RNF214: variants seen among roughly 807,000 people sequenced by gnomAD.
RNF214 encodes the protein ring finger protein 214.
In RNF214, 25 loss-of-function variants were observed where a neutral mutation model predicts 75.9. The ratio of observed to expected loss-of-function variants is 0.33; its 90% CI spans 0.24 to 0.46. The LOEUF (loss-of-function observed/expected upper bound fraction) is 0.46, where lower values mean the gene tolerates loss of function less well. Among genes scored for constraint, RNF214 ranks in the 20% least tolerant of loss-of-function variants. RNF214 has a pLI of 1.00. For synonymous variants in RNF214, 314 were observed against 308.8 expected (o/e 1.02, Z -0.18); for missense variants, 725 against 857.5 (o/e 0.85, Z 1.93).
intron 6 of RNF214, among the ~76,000 whole-genome samples, chr11:117,250,491 TG>T (rs144959537): frequency 0.052 from 7,949 of 152,184 alleles, 331 homozygotes; most frequent in East Asian, 0.16. Flanking sequence ...AAGAGATACT[TG>T]CTGAAGTTTT....
intron 6 of RNF214, among the ~76,000 whole-genome samples, chr11:117,272,165 C>G (rs1356934121): frequency 1.3e-5 from 2 of 152,000 alleles, no homozygotes; most frequent in Non-Finnish European, 2.9e-5. Flanking sequence ...GTTTGAGGTT[C>G]CAGTGAGCTT....
At chr11:117,233,007 C>T (rs1354863940) in intron 1 of RNF214, among the ~76,000 whole-genome samples, 3 of 152,110 alleles carry the variant, frequency 2.0e-5, no homozygotes, top group African/African-American at 7.2e-5. Flanking sequence ...CAAGGCCACC[C>T]AGCGCCGCTT....
chr11:117,246,825 T>C lies in RNF214; in HGVS notation c.836T>C (p.Ile279Thr). 1 of 1,603,336 alleles carries C rather than the reference T, an allele frequency of 6.2e-7. No individual in the cohort carries two copies. Among genetic ancestry groups the C allele is most frequent in the Non-Finnish European group, 8.5e-7 (1 of 1,174,248 alleles). ...GGAACTCAGGAGATATTAAAGGCTA[T>C]TCAGGATGTGACAATAAAGCGGGAA... Reference protein sequence around the residue: ...MKNHQEILKAIQDVTIKREET... With the variant: ...MKNHQEILKATQDVTIKREET... The change falls in exon 6 of 15, where the codon ATT becomes ACT. Residue 279 changes from isoleucine (I) to threonine (T), a missense_variant. Physicochemically the swap from Ile to Thr is moderately conservative, Grantham distance 89. This residue lies in a region of RNF214 where 362 missense variants were observed against 344.5 expected (regional missense o/e 1.05). Transcript: ENST00000300650.
At chr11:117,247,746 G>A (rs1306980172) in intron 6 of RNF214, among the ~76,000 whole-genome samples, 1 of 151,618 alleles carries the variant, frequency 6.6e-6, no homozygotes, top group Non-Finnish European at 1.5e-5. Context: ...AGCTACTCGG[G>A]AAGCTGAGGC....
At chr11:117,245,892 C>T (rs2033213037) in intron 5 of RNF214, among the ~76,000 whole-genome samples, 1 of 152,128 alleles carries the variant, frequency 6.6e-6, no homozygotes, top group African/African-American at 2.4e-5. Context: ...TAATACAAAG[C>T]AGTTAACACA....
At chr11:117,242,454 A>AC (rs1238197538) in intron 4 of RNF214, among the ~76,000 whole-genome samples, 1 of 152,222 alleles carries the variant, frequency 6.6e-6, no homozygotes, top group African/African-American at 2.4e-5. Flanking sequence ...AGTAGATGAA[A>AC]CAGGAACGAA....
chr11:117,247,261 G>A (rs2033248899), intron 6 of RNF214, among the ~76,000 whole-genome samples: 3 of 152,126 alleles, frequency 2.0e-5, no homozygotes, highest in African/African-American at 7.2e-5. Context: ...ACACCAAGGT[G>A]GGAAGATTGC....
At chr11:117,269,936 A>G (rs777625907) in intron 6 of RNF214, among the ~76,000 whole-genome samples, 1 of 152,228 alleles carries the variant, frequency 6.6e-6, no homozygotes, top group African/African-American at 2.4e-5. Context: ...TAACCTCATC[A>G]TAAGTCAGGG....
intron 1 of RNF214, among the ~76,000 whole-genome samples, chr11:117,233,831 T>C (rs956717311): frequency 1.4e-4 from 22 of 152,162 alleles, no homozygotes; most frequent in African/African-American, 4.8e-4. Flanking sequence ...CTTAAATTAA[T>C]GGAGAATGCT....
At chr11:117,273,521 T>G (rs1193963582) in intron 6 of RNF214, among the ~76,000 whole-genome samples, 3 of 152,128 alleles carry the variant, frequency 2.0e-5, no homozygotes, top group African/African-American at 7.2e-5. Flanking sequence ...GTTCAGAGAT[T>G]AGGGCCCGAA....
At chr11:117,257,861 A>C (rs750359120) in intron 6 of RNF214, among the ~76,000 whole-genome samples, 1 of 152,208 alleles carries the variant, frequency 6.6e-6, no homozygotes. Context: ...TTGTGATGCT[A>C]TTCAGTAATC....
chr11:117,268,473 T>C (rs1332998257), intron 6 of RNF214, among the ~76,000 whole-genome samples: 1 of 152,242 alleles, frequency 6.6e-6, no homozygotes, highest in Non-Finnish European at 1.5e-5. Flanking sequence ...GTCTTTTTTA[T>C]TATTTTCAAC....
intron 6 of RNF214, among the ~76,000 whole-genome samples, chr11:117,262,701 G>A (rs2033693473): frequency 7.8e-6 from 1 of 127,844 alleles, no homozygotes; most frequent in African/African-American, 3.0e-5. Flanking sequence ...TGTTTATTGA[G>A]GAACGTTGTG....
At chr11:117,268,574 G>A (rs780772075) in intron 6 of RNF214, among the ~76,000 whole-genome samples, 9 of 151,966 alleles carry the variant, frequency 5.9e-5, no homozygotes, top group Admixed American at 6.6e-5. Flanking sequence ...CCATTACATC[G>A]ATCTGTTTGT....
chr11:117,281,770 T>C (rs1459242469), intron 10 of RNF214, 72 bp downstream of exon 10: 1 of 1,515,736 alleles, frequency 6.6e-7, no homozygotes, highest in Non-Finnish European at 9.1e-7. Context: ...CTGCGTGTTC[T>C]TTTTATGAAG....
Position 117,282,676 on chromosome 11 carries a change from A to T in RNF214, c.1846-70A>T, listed in dbSNP as rs2034153078. ...TTTTTCCTTTCCTGGACTGGGAAATAAGTGATTTTTGTGATATGCTCTGTT... is the reference window on the plus strand; with the variant it reads ...TTTTTCCTTTCCTGGACTGGGAAATTAGTGATTTTTGTGATATGCTCTGTT... On this transcript the variant is annotated intron_variant, in intron 12 of 14. Coordinates refer to ENST00000300650, the MANE Select transcript of RNF214 (RefSeq NM_207343.4). The T allele has an allele frequency of 1.9e-6, 3 of 1,553,158 alleles. No individual in the cohort carries two copies. The African/African-American group carries it at 4.1e-5, about 21-fold the overall frequency.
intron 2 of RNF214, 88 bp from the exon 3 acceptor site, chr11:117,238,513 G>A (rs1021588130): frequency 7.2e-6 from 8 of 1,108,462 alleles, no homozygotes; most frequent in Admixed American, 6.8e-5. Context: ...TATGATAGTC[G>A]GGAGGGTTTA....
At chr11:117,273,097 CTCTT>C (rs1179410176) in intron 6 of RNF214, among the ~76,000 whole-genome samples, 29 of 151,976 alleles carry the variant, frequency 1.9e-4, no homozygotes, top group Admixed American at 8.5e-4. Flanking sequence ...TTTTGTAAAT[CTCTT>C]TCATGGAAGA....
chr11:117,247,686 A>G (rs1330128119), intron 6 of RNF214, among the ~76,000 whole-genome samples: 1 of 151,928 alleles, frequency 6.6e-6, no homozygotes, highest in Non-Finnish European at 1.5e-5. Context: ...CCCCATCTCT[A>G]CTAAAATACA....
Sources: allele counts gnomAD v4.1 joint callset (sites outside exome capture counted in the v4.1 genomes callset), GRCh38; gene constraint gnomAD v4.1.1; regional missense constraint gnomAD v4.1.1; transcripts MANE v1.5; gene names NCBI Gene and HGNC (gene_info 2026-07-23, HGNC 2026-07-21).